The following METTL15 variants were observed in gnomAD, a reference collection of about 807,000 sequenced individuals.
The protein encoded by METTL15 is methyltransferase 15, mitochondrial 12S rRNA N4-cytidine, also known as 12S rRNA N(4)-cytidine methyltransferase METTL15.
Under a neutral mutation model 38.3 loss-of-function variants are expected in METTL15, and 34 were observed. The observed-to-expected ratio is 0.89, with a 90% confidence interval of 0.68 to 1.18. The LOEUF (loss-of-function observed/expected upper bound fraction) is 1.18, where lower values mean the gene tolerates loss of function less well. METTL15 is among the 50% of genes most tolerant of loss of function. The pLI is 0.00. For missense variants in METTL15, 438 were observed against 498.4 expected (o/e 0.88, Z 1.15); for synonymous variants, 162 against 170.9 (o/e 0.95, Z 0.41).
intron 3 of METTL15, among the ~76,000 whole-genome samples, chr11:28,123,173 T>A (rs1478681296): frequency 2.6e-5 from 4 of 152,116 alleles, no homozygotes; most frequent in African/African-American, 9.6e-5. Context: ...TTTCTGTTCC[T>A]AAAGCACATA....
At chr11:28,347,241 C>T (rs188582242) in intron 3 of METTL15, among the ~76,000 whole-genome samples, 8 of 152,246 alleles carry the variant, frequency 5.3e-5, no homozygotes, top group Admixed American at 3.3e-4. Flanking sequence ...TGAGGCCATA[C>T]CTACCAAGGG....
At chr11:28,330,239 G>A (rs11602768) in intron 6 of METTL15, among the ~76,000 whole-genome samples, 157 bp from the exon 7 acceptor site, 29,006 of 151,998 alleles carry the variant, frequency 0.19, 3,160 homozygotes, top group Non-Finnish European at 0.25. Flanking sequence ...AGAATGTTTG[G>A]GAATAAGAGG....
chr11:28,361,917 A>G (rs982690020), intron 4 of METTL15: 30 of 151,892 alleles, frequency 2.0e-4, no homozygotes, highest in African/African-American at 7.3e-4. Context: ...CTTCTTATTT[A>G]TGTTTCTTAT....
intron 4 of METTL15, among the ~76,000 whole-genome samples, chr11:28,240,441 TAAACTC>T (rs1448870117): frequency 6.6e-6 from 1 of 152,184 alleles, no homozygotes; most frequent in African/African-American, 2.4e-5. Context: ...CATCAAAACT[TAAACTC>T]TAATGTGTAT....
intron 3 of METTL15, among the ~76,000 whole-genome samples, chr11:28,133,022 A>G (rs1849389306): frequency 6.6e-6 from 1 of 152,200 alleles, no homozygotes; most frequent in Admixed American, 6.6e-5. Context: ...TAAGTCTTAC[A>G]AAGTAAAAAG....
At chr11:28,441,418 A>T (rs1481415358) in intron 6 of METTL15, among the ~76,000 whole-genome samples, 2 of 152,152 alleles carry the variant, frequency 1.3e-5, no homozygotes, top group Non-Finnish European at 2.9e-5. Flanking sequence ...TTCCCAAAGT[A>T]ATTATGTTTG....
intron 3 of METTL15, among the ~76,000 whole-genome samples, chr11:28,125,120 T>C (rs191304667): frequency 1.1e-4 from 17 of 152,212 alleles, no homozygotes; most frequent in Admixed American, 2.0e-4. Flanking sequence ...TTTTCTTGTT[T>C]TTGTACTTAT....
In METTL15 at chr11:28,168,518, C is replaced by A. The variant is rs113130385; in HGVS notation, c.271-42544C>A. Among the ~76,000 whole-genome samples the A allele has an allele frequency of 6.4e-4, 97 of 150,904 alleles. 1 individual carries two copies. Among genetic ancestry groups the A allele is most frequent in the African/African-American group, 2.3e-3 (93 of 41,114 alleles). On this transcript the variant is annotated intron_variant, in intron 3 of 6. Coordinates refer to ENST00000407364, the MANE Select transcript of METTL15 (RefSeq NM_001113528.2). ...TTTTAGGGTACATGTGCACAACATG[C>A]AGGTTAGTGACATATGTATACATGT...
rs576296916 is a variant in METTL15 at position 28,344,936 on chromosome 11, A to G, written c.*190-7154A>G. Among the ~76,000 whole-genome samples, 69 of 152,262 alleles carry G rather than the reference A, an allele frequency of 4.5e-4. No individual in the cohort carries two copies. In the South Asian group the frequency reaches 0.014, roughly 30 times the overall value. The stretch of plus-strand genomic sequence containing the variant: ...TAGTATAGTCTGTTTGATATATTCA[A>G]ATTTTTTCACCATGTAATCAATATA... On this transcript the variant is annotated intron_variant and NMD_transcript_variant, in intron 3 of 7. Coordinates refer to the METTL15 transcript ENST00000532947.
At position 28,360,671 on chromosome 11, in the gene METTL15, A is replaced by G. The variant is rs559061666; in HGVS notation, c.*259-1266A>G. Among the ~76,000 whole-genome samples, 8 of 151,284 alleles carry G rather than the reference A, an allele frequency of 5.3e-5. No individual in the cohort carries two copies. In the East Asian group the frequency reaches 1.4e-3, roughly 26 times the overall value. On this transcript the variant is annotated intron_variant and NMD_transcript_variant, in intron 4 of 7. Coordinates refer to the METTL15 transcript ENST00000532947. ...AAAGTGTCTCTCTCTCTTTTTTTTTATTATACTTCAAGTTTTAGGGTACAT... is the reference window on the plus strand; with the variant it reads ...AAAGTGTCTCTCTCTCTTTTTTTTTGTTATACTTCAAGTTTTAGGGTACAT...
chr11:28,493,015 G>A (rs561242911), intron 6 of METTL15, among the ~76,000 whole-genome samples: 11 of 152,186 alleles, frequency 7.2e-5, no homozygotes, highest in Middle Eastern at 3.4e-3. Flanking sequence ...TGAATATCCT[G>A]GGTGATTCTG....
Position 28,442,943 on chromosome 11 carries a change from TTTA to T in METTL15, c.*424+18582_*424+18584del, listed in dbSNP as rs1230432437. ...AGAATGCAGAAATATGAAAAATGAA[TTTA>T]TTTTTATTTTTATTGAACTATAATT... On this transcript the variant is annotated intron_variant and NMD_transcript_variant, in intron 6 of 7. Coordinates refer to the METTL15 transcript ENST00000532947. Among the ~76,000 whole-genome samples the T allele has an allele frequency of 3.9e-5, 6 of 152,308 alleles. No homozygotes were observed. The East Asian group carries it at 7.7e-4, about 20-fold the overall frequency.
At chr11:28,373,655 T>C (rs560322636) in intron 5 of METTL15, among the ~76,000 whole-genome samples, 1 of 152,308 alleles carries the variant, frequency 6.6e-6, no homozygotes, top group Non-Finnish European at 1.5e-5. Context: ...TTAGAAGCAA[T>C]TTAGTTTAAT....
chr11:28,406,719 A>G (rs1850677304), intron 5 of METTL15, among the ~76,000 whole-genome samples: 1 of 152,140 alleles, frequency 6.6e-6, no homozygotes, highest in Non-Finnish European at 1.5e-5. Flanking sequence ...TTCTAATACT[A>G]TGCTGAATAG....
chr11:28,330,093 A>C (rs538449642), intron 6 of METTL15, among the ~76,000 whole-genome samples: 1 of 152,110 alleles, frequency 6.6e-6, no homozygotes, highest in South Asian at 2.1e-4. Context: ...AACGTTTTTC[A>C]CCAAATTTGA....
At chr11:28,395,679 T>C (rs1257971887) in intron 5 of METTL15, among the ~76,000 whole-genome samples, 2 of 152,152 alleles carry the variant, frequency 1.3e-5, no homozygotes, top group Non-Finnish European at 2.9e-5. Context: ...AAAGAGGAGC[T>C]GGTACCATTC....
chr11:28,144,094 T>C lies in METTL15; in HGVS notation c.270+30490T>C, dbSNP rs528906836. ...ACCTCTGGGAGGATGAGAGACAAGT[T>C]CATCATTTTAACCCCAGTAAGTGTA... On this transcript the variant is annotated intron_variant, in intron 3 of 6. Coordinates refer to ENST00000407364, the MANE Select transcript of METTL15 (RefSeq NM_001113528.2). Among the ~76,000 whole-genome samples the C allele has an allele frequency of 5.3e-5, 8 of 152,312 alleles. No homozygotes were observed. In the East Asian group the frequency reaches 1.5e-3, roughly 29 times the overall value.
chr11:28,390,443 A>T (rs538705564), intron 5 of METTL15, among the ~76,000 whole-genome samples: 1 of 152,106 alleles, frequency 6.6e-6, no homozygotes, highest in Admixed American at 6.6e-5. Context: ...AGCTTTCTAC[A>T]TATGGCTAGC....
chr11:28,194,122 A>ATCTTTCTTTCTTTTCTTTCTTTCTT (rs1851801877), intron 3 of METTL15, among the ~76,000 whole-genome samples: 2 of 99,078 alleles, frequency 2.0e-5, no homozygotes, highest in Non-Finnish European at 4.0e-5. Flanking sequence ...TTGATGGTTG[A>ATCTTTCTTTCTTTTCTTTCTTTCTT]TCTTTCTTTC....
Sources: allele counts gnomAD v4.1 joint callset (sites outside exome capture counted in the v4.1 genomes callset), GRCh38; gene constraint gnomAD v4.1.1; transcripts MANE v1.5; gene names NCBI Gene and HGNC (gene_info 2026-07-23, HGNC 2026-07-21).